CYP4Z1: variants seen among roughly 807,000 people sequenced by gnomAD.
The protein encoded by CYP4Z1 is cytochrome P450 4Z1.
In CYP4Z1, 41 loss-of-function variants were observed where a neutral mutation model predicts 54.2. The ratio of observed to expected loss-of-function variants is 0.76; its 90% CI spans 0.59 to 0.98. The LOEUF (loss-of-function observed/expected upper bound fraction) is 0.98. CYP4Z1 is among the 50% of genes least tolerant of loss of function. CYP4Z1 has a pLI of 0.00. For synonymous variants in CYP4Z1, 163 were observed against 206.2 expected (o/e 0.79, Z 1.79); for missense variants, 513 against 599.0 (o/e 0.86, Z 1.50).
chr1:47,084,633 A>G lies in CYP4Z1; in HGVS notation c.506A>G (p.Glu169Gly), dbSNP rs769158046. ...SVRMMLNKWE[E>G]HIAQNSRLEL... ...CCCCTGCCCCAGAACAAATGGGAGG[A>G]ACACATTGCCCAAAACTCACGTCTG... Residue 169 changes from glutamate (E) to glycine (G), a missense_variant, in exon 5 of 12, where the codon GAA becomes GGA. By Grantham distance (98) the Glu-to-Gly change is moderately conservative. Transcript: ENST00000334194. The G allele has an allele frequency of 1.2e-6, 2 of 1,602,468 alleles. No homozygotes were observed. The highest frequency in any genetic ancestry group is 1.7e-6 in the Non-Finnish European group (2 of 1,175,454).
chr1:47,086,096 T>C, intron 6 of CYP4Z1, among the ~76,000 whole-genome samples: 1 of 152,138 alleles, frequency 6.6e-6, no homozygotes, highest in Non-Finnish European at 1.5e-5. Flanking sequence ...TCTATCATTG[T>C]TGGACATTTG....
intron 8 of CYP4Z1, among the ~76,000 whole-genome samples, chr1:47,103,572 C>G (rs1379561584): frequency 7.4e-6 from 1 of 134,400 alleles, no homozygotes. Context: ...ATCTCACCTT[C>G]TTCTTTTTTT....
At chr1:47,091,894 G>T (rs1209223391) in intron 6 of CYP4Z1, among the ~76,000 whole-genome samples, 9 of 150,222 alleles carry the variant, frequency 6.0e-5, no homozygotes, top group African/African-American at 2.2e-4. Context: ...GCTGTGGGAA[G>T]AGGGGAGGCC....
At chr1:47,096,651 T>C (rs1357245037) in intron 7 of CYP4Z1, 2 of 144,182 alleles carry the variant, frequency 1.4e-5, no homozygotes, top group East Asian at 2.1e-4. Context: ...TTTTTTTTAA[T>C]GGAGCCTCAC....
intron 9 of CYP4Z1, among the ~76,000 whole-genome samples, chr1:47,108,680 A>C (rs577210451): frequency 2.0e-5 from 3 of 152,324 alleles, no homozygotes; most frequent in East Asian, 3.9e-4. Flanking sequence ...CAACAAGTGC[A>C]TATTAAACAT....
chr1:47,113,699 C>T (rs1329442393), intron 9 of CYP4Z1, among the ~76,000 whole-genome samples: 2 of 152,294 alleles, frequency 1.3e-5, no homozygotes, highest in East Asian at 3.9e-4. Context: ...TTCACAATTG[C>T]TTCAAGGAGA....
chr1:47,104,974 G>A (rs531452221), intron 8 of CYP4Z1, among the ~76,000 whole-genome samples: 24 of 152,136 alleles, frequency 1.6e-4, no homozygotes, highest in African/African-American at 5.3e-4. Context: ...GCAATGGCAC[G>A]ATCTAGGCTC....
chr1:47,067,753 G>A (rs1644461195), intron 1 of CYP4Z1, 86 bp downstream of exon 1: 1 of 1,274,752 alleles, frequency 7.8e-7, no homozygotes, highest in African/African-American at 1.5e-5. Context: ...GGGGCATTAT[G>A]TAATATGCAA....
chr1:47,057,362 A>G, the CYP4Z1 span, among the ~76,000 whole-genome samples: 3 of 107,150 alleles, frequency 2.8e-5, no homozygotes, highest in Non-Finnish European at 3.8e-5. Flanking sequence ...ATATATATAT[A>G]TATATATATA....
chr1:47,089,048 C>A (rs1644618675), intron 6 of CYP4Z1, among the ~76,000 whole-genome samples: 1 of 149,760 alleles, frequency 6.7e-6, no homozygotes, highest in South Asian at 2.1e-4. Context: ...TGGATTTCAA[C>A]ATGCCGTGTA....
chr1:47,055,917 C>A, the CYP4Z1 span, among the ~76,000 whole-genome samples: 1 of 152,066 alleles, frequency 6.6e-6, no homozygotes, highest in Non-Finnish European at 1.5e-5. Flanking sequence ...GTCTCTATTT[C>A]CTTCAGTTCT....
chr1:47,100,511 C>A (rs1331675460), intron 8 of CYP4Z1, among the ~76,000 whole-genome samples: 2 of 152,226 alleles, frequency 1.3e-5, no homozygotes, highest in Admixed American at 6.5e-5. Flanking sequence ...TCCAGCATAT[C>A]CACACTGTAT....
chr1:47,058,167 A>G, the CYP4Z1 span, among the ~76,000 whole-genome samples: 1 of 152,280 alleles, frequency 6.6e-6, no homozygotes, highest in Non-Finnish European at 1.5e-5. Context: ...TCTCTATGAA[A>G]TAAATTAGGT....
At chr1:47,068,888 G>A in intron 2 of CYP4Z1, 125 bp downstream of exon 2, 3 of 1,286,852 alleles carry the variant, frequency 2.3e-6, no homozygotes, top group Admixed American at 4.9e-5. Context: ...ATGTTGAAGG[G>A]AAGATTCCAT....
intron 6 of CYP4Z1, among the ~76,000 whole-genome samples, chr1:47,090,080 T>C (rs1330107108): frequency 6.6e-6 from 1 of 152,254 alleles, no homozygotes; most frequent in Non-Finnish European, 1.5e-5. Flanking sequence ...ACCAGTCATC[T>C]TTTTTAGGAC....
At chr1:47,099,959 C>T (rs1382014610) in intron 8 of CYP4Z1, among the ~76,000 whole-genome samples, 2 of 151,940 alleles carry the variant, frequency 1.3e-5, no homozygotes, top group African/African-American at 4.8e-5. Flanking sequence ...CTAAAAACCT[C>T]GTGCCTGCCT....
chr1:47,076,714 G>A (rs968479129), intron 2 of CYP4Z1, among the ~76,000 whole-genome samples: 8 of 150,510 alleles, frequency 5.3e-5, no homozygotes, highest in Admixed American at 1.3e-4. Flanking sequence ...GAGCGGTGGC[G>A]GGCTCCTGTA....
At chr1:47,115,483 G>C in intron 9 of CYP4Z1, 46 bp from the exon 10 acceptor site, 1 of 1,514,888 alleles carries the variant, frequency 6.6e-7, no homozygotes, top group East Asian at 2.3e-5. Flanking sequence ...AAAAAAGACA[G>C]AATCTTCGCT....
chr1:47,068,787 G>T (rs775061985), intron 2 of CYP4Z1, 24 bp downstream of exon 2: 1 of 1,610,372 alleles, frequency 6.2e-7, no homozygotes, highest in South Asian at 1.1e-5. Flanking sequence ...GGGGCTCACA[G>T]TACAGAGCAG....
Sources: gnomAD v4.1 joint callset for allele counts (sites outside exome capture counted in the v4.1 genomes callset) on GRCh38, gnomAD v4.1.1 for gene constraint, MANE v1.5 for transcripts, NCBI Gene and HGNC (gene_info 2026-07-23, HGNC 2026-07-21) for gene names.